The following ARHGEF4 variants were observed in gnomAD, a reference collection of about 807,000 sequenced individuals.
ARHGEF4 encodes Rho guanine nucleotide exchange factor 4, also known as APC-stimulated guanine nucleotide exchange factor 1.
In ARHGEF4, 119 loss-of-function variants were observed where a neutral mutation model predicts 162.0. The observed-to-expected ratio is 0.73, with a 90% CI of 0.63 to 0.86. The LOEUF is 0.86. Ranked by LOEUF, ARHGEF4 falls within the 40% of genes least tolerant of loss-of-function variation. ARHGEF4 has a pLI of 0.00. For synonymous variants in ARHGEF4, 1,014 were observed against 979.9 expected, an observed-to-expected ratio of 1.03 and a Z score of -0.65; for missense variants, 2,488 against 2,456.0, an observed-to-expected ratio of 1.01 and a Z score of -0.28.
At chr2:130,855,852 CCAAT>C (rs140444546) in intron 1 of ARHGEF4, among the ~76,000 whole-genome samples, 8,555 of 152,196 alleles carry the variant, frequency 0.056, 521 homozygotes, top group African/African-American at 0.15. Context: ...AAACAATTGA[CCAAT>C]CAAACAACAA....
At chr2:131,001,326 A>C (rs921210680) in intron 4 of ARHGEF4, among the ~76,000 whole-genome samples, 5 of 151,378 alleles carry the variant, frequency 3.3e-5, no homozygotes, top group Non-Finnish European at 7.4e-5. Flanking sequence ...AAAAAAAAAA[A>C]AACAGAAAGA....
chr2:130,994,761 T>C (rs768114482), intron 4 of ARHGEF4, among the ~76,000 whole-genome samples: 1 of 152,228 alleles, frequency 6.6e-6, no homozygotes, highest in Non-Finnish European at 1.5e-5. Context: ...AGATGGATTC[T>C]TTCAGTGTTT....
At chr2:130,843,849 G>A (rs1180280140) in intron 1 of ARHGEF4, among the ~76,000 whole-genome samples, 1 of 152,202 alleles carries the variant, frequency 6.6e-6, no homozygotes, top group Non-Finnish European at 1.5e-5. Context: ...CCCCAGGGGG[G>A]CCCTGAATCC....
At chr2:131,044,663 G>T (rs139725757) in intron 12 of ARHGEF4, 121 bp downstream of exon 12, 1 of 1,344,638 alleles carries the variant, frequency 7.4e-7, no homozygotes, top group Non-Finnish European at 9.9e-7. Context: ...GTGTAGCAAG[G>T]CTCCAGGCAC....
rs1310126445 is a variant in ARHGEF4 at position 130,914,096 on chromosome 2, C to T, written c.150C>T (p.Arg50=). ...VEQGWNQQTD[R]DDSETLSQQS... ...AGGGATGGAACCAGCAAACAGACCG[C>T]GATGATTCTGAAACGCTGTCCCAGC... Residue 50 remains arginine (R), a synonymous_variant, in exon 2 of 14, where the codon CGC becomes CGT. Coordinates refer to ENST00000409359, the MANE Select transcript of ARHGEF4 (RefSeq NM_001367493.1). 4.6e-6 allele frequency: 7 copies of T among 1,535,986 alleles called. No individual in the cohort carries two copies. Among genetic ancestry groups the T allele is most frequent in the South Asian group, 2.4e-5 (2 of 84,054 alleles).
At position 131,041,337 on chromosome 2, in the gene ARHGEF4, C is replaced by G. The variant is rs1690797650; in HGVS notation, c.4770C>G (p.Ala1590=). 1 of 1,613,728 alleles carries G rather than the reference C, an allele frequency of 6.2e-7. No individual in the cohort carries two copies. The highest frequency in any genetic ancestry group is 2.2e-5 in the East Asian group (1 of 44,888). ...GCAAGTACGTGTACTTCTTCGAGGC[C>G]TGCCGGCTGCTGCAGAAGATGATTG... The part of the protein sequence containing the change: ...KLSKYVYFFE[A]CRLLQKMIDI... Residue 1590 remains alanine (A), a synonymous_variant, in exon 9 of 14, where the codon GCC becomes GCG. Coordinates refer to ENST00000409359, the MANE Select transcript of ARHGEF4 (RefSeq NM_001367493.1).
intron 4 of ARHGEF4, among the ~76,000 whole-genome samples, chr2:130,983,611 T>A (rs1686266232): frequency 6.6e-6 from 1 of 152,152 alleles, no homozygotes; most frequent in African/African-American, 2.4e-5. Flanking sequence ...ATTTACTTAA[T>A]GTATGAGTGC....
chr2:131,041,671 G>C, intron 9 of ARHGEF4, 144 bp from the exon 10 acceptor site: 2 of 1,248,374 alleles, frequency 1.6e-6, no homozygotes, highest in Non-Finnish European at 1.1e-6. Context: ...ATGGAGAAGA[G>C]AGGGGCTGTG....
intron 4 of ARHGEF4, among the ~76,000 whole-genome samples, chr2:130,950,689 C>CA (rs1553430110): frequency 6.8e-6 from 1 of 146,034 alleles, no homozygotes; most frequent in Admixed American, 6.8e-5. Flanking sequence ...AGCTATTACC[C>CA]CCCACCACCA....
chr2:130,847,061 G>A (rs1358615887), intron 1 of ARHGEF4, among the ~76,000 whole-genome samples: 4 of 152,166 alleles, frequency 2.6e-5, no homozygotes, highest in East Asian at 1.9e-4. Context: ...TCTGATGTGC[G>A]CGGGCTAAGA....
At chr2:131,012,247 C>G (rs1372733407) in intron 4 of ARHGEF4, among the ~76,000 whole-genome samples, 1 of 152,010 alleles carries the variant, frequency 6.6e-6, no homozygotes, top group Non-Finnish European at 1.5e-5. Flanking sequence ...CATTGAGAGA[C>G]AGGGAGCAGT....
intron 1 of ARHGEF4, among the ~76,000 whole-genome samples, chr2:130,853,294 G>T (rs1054402786): frequency 6.6e-6 from 1 of 152,182 alleles, no homozygotes; most frequent in Non-Finnish European, 1.5e-5. Context: ...GGAGCCCTGA[G>T]CCTGAGGTAG....
intron 1 of ARHGEF4, among the ~76,000 whole-genome samples, chr2:130,900,492 C>A (rs932422943): frequency 6.6e-6 from 1 of 152,222 alleles, no homozygotes; most frequent in African/African-American, 2.4e-5. Flanking sequence ...CAAATCCATT[C>A]ATTCAGTTTT....
intron 4 of ARHGEF4, among the ~76,000 whole-genome samples, chr2:130,995,704 CTAAT>C: frequency 6.6e-6 from 1 of 152,222 alleles, no homozygotes; most frequent in Middle Eastern, 3.4e-3. Context: ...GGTCCAATTT[CTAAT>C]TATTTAGAGC....
chr2:131,010,495 G>T (rs1688377083), intron 4 of ARHGEF4, among the ~76,000 whole-genome samples: 1 of 152,110 alleles, frequency 6.6e-6, no homozygotes, highest in African/African-American at 2.4e-5. Context: ...TATTCATTGA[G>T]TGATTGAGAG....
chr2:130,976,404 A>G (rs549455676), intron 4 of ARHGEF4, among the ~76,000 whole-genome samples: 6 of 151,508 alleles, frequency 4.0e-5, no homozygotes, highest in Admixed American at 3.9e-4. Context: ...TGAGGATCAT[A>G]CTTGGAAAGT....
intron 1 of ARHGEF4, among the ~76,000 whole-genome samples, chr2:130,856,098 C>T (rs1222751020): frequency 1.3e-5 from 2 of 152,100 alleles, no homozygotes; most frequent in African/African-American, 4.8e-5. Context: ...TAACTCAGTT[C>T]AAATAACTAA....
In ARHGEF4 at chr2:130,941,361, G is replaced by A. The variant is rs574285455; in HGVS notation, c.3859-5148G>A. 2.4e-4 allele frequency among the ~76,000 whole-genome samples: 37 copies of A among 151,976 alleles called. No individual in the cohort carries two copies. In the South Asian group the frequency reaches 5.0e-3, roughly 21 times the overall value. On this transcript the variant is annotated intron_variant, in intron 3 of 13. Transcript: ENST00000409359. ...TAGGATTACGGGTGCATGCCACCAC[G>A]CCTGGCTAATTTTTGTATTTTTAGT...
In ARHGEF4 at chr2:130,916,669, G is replaced by T; in HGVS notation, c.2723G>T (p.Arg908Met). The T allele has an allele frequency of 1.3e-6, 2 of 1,550,658 alleles. No individual in the cohort carries two copies. Among genetic ancestry groups the T allele is most frequent in the Non-Finnish European group, 1.7e-6 (2 of 1,147,010 alleles). Reference protein sequence around the residue: ...LKTTEKKLRARLALAHKTFSN... With the variant: ...LKTTEKKLRAMLALAHKTFSN... ...ACAACGGAGAAAAAACTCAGGGCAAGGTTGGCCTTGGCTCATAAGACCTTT... is the reference window on the plus strand; with the variant it reads ...ACAACGGAGAAAAAACTCAGGGCAATGTTGGCCTTGGCTCATAAGACCTTT... Residue 908 changes from arginine (R) to methionine (M), a missense_variant, in exon 2 of 14, where the codon AGG becomes ATG. Transcript: ENST00000409359.
Sources: allele counts gnomAD v4.1 joint callset (sites outside exome capture counted in the v4.1 genomes callset), GRCh38; gene constraint gnomAD v4.1.1; transcripts MANE v1.5; gene names NCBI Gene and HGNC (gene_info 2026-07-23, HGNC 2026-07-21).